Variants in GALNT13 observed in about 807,000 individuals in gnomAD.
GALNT13 encodes the protein polypeptide N-acetylgalactosaminyltransferase 13, also known as UDP-GalNAc:polypeptide N-acetylgalactosaminyltransferase 13.
A neutral mutation model predicts 64.2 loss-of-function variants in GALNT13; 28 were observed. The ratio of observed to expected loss-of-function variants is 0.44; its 90% confidence interval spans 0.32 to 0.60. The LOEUF (loss-of-function observed/expected upper bound fraction) is 0.60, where lower values mean the gene tolerates loss of function less well. GALNT13 is among the 20% of genes least tolerant of loss of function. The pLI is 0.05. For synonymous variants in GALNT13, 214 were observed against 224.6 expected (o/e 0.95, Z 0.42); for missense variants, 577 against 669.8 (o/e 0.86, Z 1.53).
Position 154,086,894 on chromosome 2 carries a change from C to G in GALNT13, c.143-53443C>G, listed in dbSNP as rs115517902. ...TATAAAACTGTCTAGATAGAACAAA[C>G]AAATATCACTTGTGATGAAATACTT... On this transcript the variant is annotated intron_variant, in intron 3 of 12. Transcript: ENST00000392825. Among the ~76,000 whole-genome samples, 1,102 of 152,172 alleles carry G rather than the reference C, an allele frequency of 7.2e-3. 19 individuals carry two copies. Among genetic ancestry groups the G allele is most frequent in the African/African-American group, 0.025 (1,032 of 41,544 alleles).
the GALNT13 span, among the ~76,000 whole-genome samples, chr2:153,365,186 C>G: frequency 3.3e-5 from 5 of 152,062 alleles, no homozygotes; most frequent in African/African-American, 1.2e-4. Flanking sequence ...ACTGGCTAGC[C>G]GTATGCAGAA....
chr2:153,367,818 A>G, the GALNT13 span, among the ~76,000 whole-genome samples: 1 of 152,134 alleles, frequency 6.6e-6, no homozygotes, highest in Non-Finnish European at 1.5e-5. Context: ...GAATACCTAA[A>G]TAAAAAATCA....
the GALNT13 span, among the ~76,000 whole-genome samples, chr2:153,178,845 C>T: frequency 8.8e-6 from 1 of 113,310 alleles, no homozygotes; most frequent in Non-Finnish European, 1.9e-5. Flanking sequence ...AAGCAATTCT[C>T]CTGCCTCAGT....
chr2:154,075,539 G>A (rs1393741918), intron 3 of GALNT13, among the ~76,000 whole-genome samples: 1 of 151,746 alleles, frequency 6.6e-6, no homozygotes, highest in Non-Finnish European at 1.5e-5. Context: ...TTTAATTCCT[G>A]TCATTGTTGA....
chr2:154,441,038 A>G (rs1471640336), intron 12 of GALNT13, among the ~76,000 whole-genome samples: 1 of 152,178 alleles, frequency 6.6e-6, no homozygotes, highest in Non-Finnish European at 1.5e-5. Context: ...CTTGTTAGAA[A>G]TGCAGGATCC....
chr2:153,615,690 GAAATCTTTT>G, the GALNT13 span, among the ~76,000 whole-genome samples: 2 of 152,112 alleles, frequency 1.3e-5, no homozygotes, highest in East Asian at 1.9e-4. Flanking sequence ...TGAGAAAATG[GAAATCTTTT>G]AAATCTTTTA....
At chr2:153,768,901 A>C in the GALNT13 span, among the ~76,000 whole-genome samples, 1 of 152,156 alleles carries the variant, frequency 6.6e-6, no homozygotes, top group Non-Finnish European at 1.5e-5. Context: ...TGTTTTATCT[A>C]ATGTAAGGAT....
chr2:154,314,299 C>T (rs574343541), intron 9 of GALNT13, among the ~76,000 whole-genome samples: 1 of 152,180 alleles, frequency 6.6e-6, no homozygotes, highest in East Asian at 1.9e-4. Flanking sequence ...AGAGATCACT[C>T]TGACACTTAG....
chr2:153,656,445 C>T, the GALNT13 span, among the ~76,000 whole-genome samples: 1 of 151,974 alleles, frequency 6.6e-6, no homozygotes, highest in Non-Finnish European at 1.5e-5. Context: ...CTGCACTTAG[C>T]TGTGAGTCGC....
the GALNT13 span, among the ~76,000 whole-genome samples, chr2:153,239,214 A>G: frequency 5.3e-5 from 8 of 152,072 alleles, no homozygotes; most frequent in Non-Finnish European, 7.4e-5. Context: ...TGAATTTATC[A>G]GTTCTAATGT....
At chr2:154,438,290 T>A (rs1274846444) in intron 11 of GALNT13, among the ~76,000 whole-genome samples, 1 of 152,224 alleles carries the variant, frequency 6.6e-6, no homozygotes, top group Admixed American at 6.5e-5. Flanking sequence ...TTACTTAACC[T>A]ATTGAGAGCT....
the GALNT13 span, among the ~76,000 whole-genome samples, chr2:153,152,693 A>T: frequency 6.6e-6 from 1 of 152,132 alleles, no homozygotes; most frequent in Non-Finnish European, 1.5e-5. Context: ...TTTGCTAAGG[A>T]TAATGGCCTC....
the GALNT13 span, among the ~76,000 whole-genome samples, chr2:153,100,276 C>T: frequency 1.3e-5 from 2 of 152,274 alleles, no homozygotes; most frequent in East Asian, 1.9e-4. Context: ...TGTGGATTTC[C>T]CAGATAATGA....
intron 8 of GALNT13, among the ~76,000 whole-genome samples, chr2:154,261,608 C>T (rs1690699815): frequency 1.3e-5 from 2 of 152,144 alleles, no homozygotes; most frequent in South Asian, 2.1e-4. Context: ...TCAATCATTA[C>T]ACAACAAACA....
At chr2:153,664,739 A>G in the GALNT13 span, among the ~76,000 whole-genome samples, 1 of 152,320 alleles carries the variant, frequency 6.6e-6, no homozygotes, top group Middle Eastern at 3.4e-3. Context: ...TTCACAATTT[A>G]TGTTCTTCTG....
the GALNT13 span, among the ~76,000 whole-genome samples, chr2:153,301,316 A>G: frequency 8.8e-5 from 12 of 135,710 alleles, no homozygotes; most frequent in East Asian, 2.0e-4. Flanking sequence ...TCTCAAAAAA[A>G]AAGAAAAAAA....
chr2:154,271,718 C>G (rs1409385999), intron 8 of GALNT13, among the ~76,000 whole-genome samples: 2 of 151,840 alleles, frequency 1.3e-5, no homozygotes, highest in African/African-American at 4.8e-5. Context: ...TGAATACTAT[C>G]TGTTTATTTT....
At chr2:153,704,521 G>A in the GALNT13 span, among the ~76,000 whole-genome samples, 10 of 152,228 alleles carry the variant, frequency 6.6e-5, no homozygotes, top group East Asian at 1.7e-3. Flanking sequence ...ATGCACCTCA[G>A]TTTTCAATGC....
chr2:153,582,503 C>T, the GALNT13 span, among the ~76,000 whole-genome samples: 1 of 152,098 alleles, frequency 6.6e-6, no homozygotes, highest in Non-Finnish European at 1.5e-5. Context: ...CCATAAGTCA[C>T]TTAAACTTTT....
Sources: allele counts gnomAD v4.1 joint callset (sites outside exome capture counted in the v4.1 genomes callset), GRCh38; gene constraint gnomAD v4.1.1; transcripts MANE v1.5; gene names NCBI Gene and HGNC (gene_info 2026-07-23, HGNC 2026-07-21).